Variants in AGBL4 observed in about 807,000 individuals in gnomAD.
AGBL4 encodes AGBL carboxypeptidase 4.
Under a neutral mutation model 66.4 loss-of-function variants are expected in AGBL4, and 58 were observed. The observed-to-expected ratio is 0.87, with a 90% CI of 0.71 to 1.09. The LOEUF (loss-of-function observed/expected upper bound fraction) is 1.09, where lower values mean the gene tolerates loss of function less well. Among genes scored for constraint, AGBL4 ranks in the 50% least tolerant of loss-of-function variants. The pLI is 0.00. For missense variants in AGBL4, 579 were observed against 631.0 expected, an observed-to-expected ratio of 0.92 and a Z score of 0.88; for synonymous variants, 234 against 222.9, an observed-to-expected ratio of 1.05 and a Z score of -0.44.
At chr1:50,003,759 G>C (rs1660932749) in intron 1 of AGBL4, among the ~76,000 whole-genome samples, 1 of 152,102 alleles carries the variant, frequency 6.6e-6, no homozygotes, top group Non-Finnish European at 1.5e-5. Flanking sequence ...ACTGGAGCAA[G>C]GAAAGGGTAG....
In AGBL4 at chr1:49,575,988, T is replaced by C. The variant is rs563392494; in HGVS notation, c.282+121325A>G. On this transcript the variant is annotated intron_variant, in intron 3 of 13. Coordinates refer to ENST00000371839, the MANE Select transcript of AGBL4 (RefSeq NM_032785.4). ...AGAAGTAGCAAACACACTGGACTTA[T>C]TGGTGAGACATTTGCATACCAAATG... Among the ~76,000 whole-genome samples, 4 of 152,330 alleles carry C rather than the reference T, an allele frequency of 2.6e-5. No homozygotes were observed. The South Asian group carries it at 8.3e-4, about 32-fold the overall frequency.
intron 1 of AGBL4, among the ~76,000 whole-genome samples, chr1:49,904,391 G>A (rs1337841480): frequency 1.3e-5 from 2 of 152,104 alleles, no homozygotes; most frequent in Non-Finnish European, 2.9e-5. Flanking sequence ...CAGTGTTGGT[G>A]CAACATGATG....
chr1:49,490,490 G>T (rs1647166575), intron 3 of AGBL4, among the ~76,000 whole-genome samples: 1 of 151,430 alleles, frequency 6.6e-6, no homozygotes, highest in African/African-American at 2.4e-5. Context: ...TCTATAAATT[G>T]TATTTCTAGT....
In AGBL4 at chr1:49,298,352, C is replaced by T. The variant is rs138638253; in HGVS notation, c.283-52488G>A. ...AAGCAACAGATCTCCCCTCTCCCCC[C>T]AGGTTCCCTGATGGTTTCAGTGCCC... On this transcript the variant is annotated intron_variant, in intron 3 of 13. Coordinates refer to ENST00000371839, the MANE Select transcript of AGBL4 (RefSeq NM_032785.4). Among the ~76,000 whole-genome samples, 626 of 152,352 alleles carry T rather than the reference C, an allele frequency of 4.1e-3. 8 individuals carry two copies. Among genetic ancestry groups the T allele is most frequent in the Non-Finnish European group, 6.3e-3 (426 of 68,044 alleles).
intron 4 of AGBL4, among the ~76,000 whole-genome samples, chr1:49,221,736 A>G (rs996294748): frequency 2.6e-5 from 4 of 151,888 alleles, no homozygotes; most frequent in Non-Finnish European, 5.9e-5. Context: ...TCAACACAGT[A>G]TTTCCTTTTG....
chr1:49,308,091 C>T (rs1644879630), intron 3 of AGBL4, among the ~76,000 whole-genome samples: 1 of 152,102 alleles, frequency 6.6e-6, no homozygotes, highest in Non-Finnish European at 1.5e-5. Context: ...AGGCATGCTC[C>T]TGCTTTGCCT....
chr1:49,707,481 A>G (rs1647298893), intron 2 of AGBL4, among the ~76,000 whole-genome samples: 1 of 151,706 alleles, frequency 6.6e-6, no homozygotes, highest in Non-Finnish European at 1.5e-5. Flanking sequence ...AATATAACAC[A>G]AAGATGGATC....
chr1:49,977,886 T>G (rs773523966), intron 1 of AGBL4, among the ~76,000 whole-genome samples: 1 of 152,204 alleles, frequency 6.6e-6, no homozygotes, highest in Non-Finnish European at 1.5e-5. Flanking sequence ...TGCCTAGCCA[T>G]TATCTTCCAA....
At chr1:49,690,155 C>T (rs1467538685) in intron 3 of AGBL4, among the ~76,000 whole-genome samples, 1 of 152,104 alleles carries the variant, frequency 6.6e-6, no homozygotes, top group Non-Finnish European at 1.5e-5. Flanking sequence ...AAGTGTTTCT[C>T]AATTAAGGTA....
At chr1:49,473,000 C>T (rs1646775888) in intron 3 of AGBL4, among the ~76,000 whole-genome samples, 1 of 152,036 alleles carries the variant, frequency 6.6e-6, no homozygotes, top group Non-Finnish European at 1.5e-5. Context: ...AACATTATTT[C>T]ACCCTCTTTA....
intron 4 of AGBL4, among the ~76,000 whole-genome samples, chr1:49,143,835 A>G (rs1569809607): frequency 6.6e-6 from 1 of 152,198 alleles, no homozygotes; most frequent in South Asian, 2.1e-4. Flanking sequence ...CAGCCCTAAC[A>G]TATCATTTTC....
intron 3 of AGBL4, among the ~76,000 whole-genome samples, chr1:49,462,902 A>G (rs1057153509): frequency 3.6e-4 from 54 of 151,790 alleles, no homozygotes; most frequent in Non-Finnish European, 4.6e-4. Flanking sequence ...GTTACTTGAA[A>G]TGGACTATTC....
At chr1:49,562,702 G>T (rs1571044636) in intron 3 of AGBL4, among the ~76,000 whole-genome samples, 1 of 152,018 alleles carries the variant, frequency 6.6e-6, no homozygotes, top group East Asian at 1.9e-4. Context: ...TGCTGTTTTG[G>T]TTACTGTGGC....
chr1:48,965,516 T>C (rs189292074), intron 5 of AGBL4, among the ~76,000 whole-genome samples: 4 of 151,950 alleles, frequency 2.6e-5, no homozygotes, highest in Non-Finnish European at 4.4e-5. Flanking sequence ...GGGAAAGAGG[T>C]TGTAATGATG....
At chr1:48,880,128 C>T (rs1346284625) in intron 5 of AGBL4, among the ~76,000 whole-genome samples, 1 of 152,096 alleles carries the variant, frequency 6.6e-6, no homozygotes, top group Non-Finnish European at 1.5e-5. Flanking sequence ...CCCACCATTT[C>T]CCCCTGACTC....
intron 3 of AGBL4, among the ~76,000 whole-genome samples, chr1:49,433,825 G>T (rs1645841668): frequency 6.6e-6 from 1 of 152,152 alleles, no homozygotes; most frequent in African/African-American, 2.4e-5. Context: ...AATATATAGA[G>T]AAATGCTTGA....
intron 1 of AGBL4, among the ~76,000 whole-genome samples, chr1:49,869,833 G>A (rs1053375037): frequency 6.6e-5 from 10 of 152,142 alleles, no homozygotes; most frequent in Admixed American, 2.6e-4. Flanking sequence ...GGGGGATAAG[G>A]GGATGAAGAG....
intron 3 of AGBL4, chr1:49,268,075 T>G (rs1231897865): frequency 1.3e-5 from 2 of 152,170 alleles, no homozygotes; most frequent in Non-Finnish European, 2.9e-5. Context: ...TATTATTTAT[T>G]AAACAGGTTC....
intron 4 of AGBL4, among the ~76,000 whole-genome samples, chr1:49,145,380 C>T (rs1033696114): frequency 6.6e-6 from 1 of 152,150 alleles, no homozygotes; most frequent in African/African-American, 2.4e-5. Flanking sequence ...TTCTTACCCT[C>T]AGTTTTTAGA....
Sources: allele counts gnomAD v4.1 joint callset (sites outside exome capture counted in the v4.1 genomes callset), GRCh38; gene constraint gnomAD v4.1.1; transcripts MANE v1.5; gene names NCBI Gene and HGNC (gene_info 2026-07-23, HGNC 2026-07-21).